The following LPIN1 variants were observed in gnomAD, a reference collection of about 807,000 sequenced individuals.
The protein encoded by LPIN1 is phosphatidate phosphatase LPIN1.
In LPIN1, 71 loss-of-function variants were observed where a neutral mutation model predicts 107.5. That is an observed-to-expected ratio of 0.66 (90% CI 0.55 to 0.80). The LOEUF (loss-of-function observed/expected upper bound fraction) is 0.80, where lower values mean the gene tolerates loss of function less well. Among genes scored for constraint, LPIN1 ranks in the 30% least tolerant of loss-of-function variants. The pLI is 0.00. For synonymous variants in LPIN1, 445 were observed against 452.6 expected, an observed-to-expected ratio of 0.98 and a Z score of 0.21; for missense variants, 1,043 against 1,160.6, an observed-to-expected ratio of 0.90 and a Z score of 1.47.
intron 1 of LPIN1, among the ~76,000 whole-genome samples, chr2:11,759,190 T>TTTCTTTC (rs1553418553): frequency 1.6e-5 from 2 of 122,834 alleles, no homozygotes; most frequent in African/African-American, 3.2e-5. Context: ...TCTTTCTTTC[T>TTTCTTTC]TTTCTTTCTT....
intron 2 of LPIN1, chr2:11,767,493 TAATG>T (rs1393993212): frequency 4.4e-6 from 2 of 450,734 alleles, no homozygotes; most frequent in African/African-American, 2.0e-5. Flanking sequence ...ATAATTATAA[TAATG>T]GCCAAAACTG....
At chr2:11,764,236 T>G (rs1015334402) in intron 1 of LPIN1, 6 of 151,988 alleles carry the variant, frequency 3.9e-5, no homozygotes, top group African/African-American at 1.5e-4. Flanking sequence ...AGCCTCCACC[T>G]CCTGGGTTCA....
At chr2:11,740,411 C>G (rs533086511) in intron 1 of LPIN1, among the ~76,000 whole-genome samples, 1 of 152,102 alleles carries the variant, frequency 6.6e-6, no homozygotes, top group Non-Finnish European at 1.5e-5. Flanking sequence ...AACCATCACA[C>G]CCTTCAATTA....
At chr2:11,688,209 C>T (rs762939423) in intron 1 of LPIN1, among the ~76,000 whole-genome samples, 7 of 152,194 alleles carry the variant, frequency 4.6e-5, no homozygotes, top group Non-Finnish European at 1.0e-4. Flanking sequence ...GATAAAAGGA[C>T]GGAGAGCTTG....
intron 14 of LPIN1, among the ~76,000 whole-genome samples, chr2:11,797,206 C>T (rs1283590037): frequency 6.6e-6 from 1 of 152,256 alleles, no homozygotes; most frequent in Non-Finnish European, 1.5e-5. Flanking sequence ...GCAGGATGTA[C>T]AGCAGGGACC....
intron 1 of LPIN1, among the ~76,000 whole-genome samples, chr2:11,752,817 T>A (rs1324025215): frequency 6.6e-6 from 1 of 151,924 alleles, no homozygotes; most frequent in Non-Finnish European, 1.5e-5. Flanking sequence ...GTGGCAGGGG[T>A]TTTGAATTTT....
intron 1 of LPIN1, among the ~76,000 whole-genome samples, chr2:11,754,559 G>A (rs1045521817): frequency 6.6e-6 from 1 of 152,206 alleles, no homozygotes; most frequent in Non-Finnish European, 1.5e-5. Context: ...GTGATGCTGC[G>A]GGTGAGAGCA....
intron 1 of LPIN1, among the ~76,000 whole-genome samples, chr2:11,712,883 C>G (rs146941155): frequency 6.6e-6 from 1 of 152,316 alleles, no homozygotes; most frequent in East Asian, 1.9e-4. Context: ...CTGCATATGT[C>G]CTACCTGCTA....
At chr2:11,764,168 A>G (rs1002495559) in intron 1 of LPIN1, 2 of 150,000 alleles carry the variant, frequency 1.3e-5, no homozygotes, top group Non-Finnish European at 3.0e-5. Context: ...TATATATGTC[A>G]TATATATGGT....
chr2:11,822,087 T>G (rs1212412335), intron 20 of LPIN1, among the ~76,000 whole-genome samples: 2 of 152,080 alleles, frequency 1.3e-5, no homozygotes, highest in Non-Finnish European at 2.9e-5. Context: ...ATAGTCTGTT[T>G]TCATGCTGTT....
At chr2:11,763,655 T>A (rs1670212493) in intron 1 of LPIN1, among the ~76,000 whole-genome samples, 1 of 152,128 alleles carries the variant, frequency 6.6e-6, no homozygotes, top group Non-Finnish European at 1.5e-5. Context: ...TGTCATTTTG[T>A]TCCAGAATCC....
At chr2:11,812,491 G>C (rs1442731876) in intron 17 of LPIN1, among the ~76,000 whole-genome samples, 2 of 152,162 alleles carry the variant, frequency 1.3e-5, no homozygotes, top group Non-Finnish European at 2.9e-5. Flanking sequence ...ATCCAGCAGA[G>C]ACCTAGATGA....
chr2:11,721,164 A>G (rs745456308), upstream of LPIN1, among the ~76,000 whole-genome samples: 5 of 152,098 alleles, frequency 3.3e-5, no homozygotes, highest in Non-Finnish European at 7.3e-5. Flanking sequence ...GTGAATTCGC[A>G]TTAATTCCTT....
intron 1 of LPIN1, among the ~76,000 whole-genome samples, chr2:11,705,549 C>T (rs1377883618): frequency 6.6e-6 from 1 of 152,188 alleles, no homozygotes; most frequent in Non-Finnish European, 1.5e-5. Flanking sequence ...GGAAGGGACA[C>T]TTGGCTGTGG....
chr2:11,701,817 T>G (rs1419533672), intron 1 of LPIN1, among the ~76,000 whole-genome samples: 1 of 152,208 alleles, frequency 6.6e-6, no homozygotes, highest in Non-Finnish European at 1.5e-5. Context: ...AGAAAGCTGC[T>G]GGTATTATCC....
intron 6 of LPIN1, among the ~76,000 whole-genome samples, chr2:11,777,015 T>C (rs1672775591): frequency 6.6e-6 from 1 of 152,244 alleles, no homozygotes; most frequent in Admixed American, 6.5e-5. Context: ...ACTAGCCTTA[T>C]TGGGACTGGC....
chr2:11,770,664 G>A (rs1463565407), intron 3 of LPIN1, among the ~76,000 whole-genome samples: 1 of 152,124 alleles, frequency 6.6e-6, no homozygotes, highest in East Asian at 1.9e-4. Flanking sequence ...TATTGTCAAC[G>A]AGTTTCTCAT....
chr2:11,697,764 A>T lies in LPIN1; in HGVS notation c.82-15992A>T, dbSNP rs933394527. On this transcript the variant is annotated intron_variant, in intron 1 of 21. Coordinates refer to the LPIN1 transcript ENST00000449576. The surrounding 1 kb of genome is among the most constrained non-coding windows in gnomAD (Gnocchi z 4.6). ...TGAGTGCTGGCAGAGTCTGGGTACC[A>T]AATGCCCCGGGCCTTGTGTCCTTCC... Among the ~76,000 whole-genome samples the T allele has an allele frequency of 3.3e-5, 5 of 152,116 alleles. No homozygotes were observed. Among genetic ancestry groups the T allele is most frequent in the African/African-American group, 1.2e-4 (5 of 41,396 alleles).
upstream of LPIN1, chr2:11,742,093 G>A (rs1458109047): frequency 6.6e-6 from 1 of 152,124 alleles, no homozygotes; most frequent in Non-Finnish European, 1.5e-5. Context: ...ACGTGGCTGA[G>A]CTGGACTTGA....
Sources: allele counts gnomAD v4.1 joint callset (sites outside exome capture counted in the v4.1 genomes callset), GRCh38; gene constraint gnomAD v4.1.1; non-coding constraint Gnocchi (gnomAD v3.1); transcripts MANE v1.5; gene names NCBI Gene and HGNC (gene_info 2026-07-23, HGNC 2026-07-21).